ZNF483: variants seen among roughly 807,000 people sequenced by gnomAD.
ZNF483 encodes zinc finger protein HIT-10.
Under a neutral mutation model 28.6 loss-of-function variants are expected in ZNF483, and 9 were observed. That is an observed-to-expected ratio of 0.32 (90% confidence interval 0.19 to 0.55). The LOEUF (loss-of-function observed/expected upper bound fraction) is 0.55. Among genes scored for constraint, ZNF483 ranks in the 20% least tolerant of loss-of-function variants. ZNF483 has a pLI of 0.93. For missense variants in ZNF483, 675 were observed against 871.7 expected, an observed-to-expected ratio of 0.77 and a Z score of 2.84; for synonymous variants, 322 against 306.2, an observed-to-expected ratio of 1.05 and a Z score of -0.54.
intron 5 of ZNF483, among the ~76,000 whole-genome samples, chr9:111,534,629 G>A (rs1827435505): frequency 6.6e-6 from 1 of 151,236 alleles, no homozygotes; most frequent in African/African-American, 2.4e-5. Flanking sequence ...ATAGCCATCA[G>A]AGCATAATGC....
exon 6 of ZNF483, chr9:111,577,565 C>T (rs1829113363): frequency 6.6e-6 from 1 of 152,230 alleles, no homozygotes; most frequent in African/African-American, 2.4e-5. Flanking sequence ...ACCCATCAGG[C>T]TGGGTGTGGT....
chr9:111,532,732 G>A (rs1408137577), intron 3 of ZNF483, among the ~76,000 whole-genome samples: 1 of 152,104 alleles, frequency 6.6e-6, no homozygotes, highest in East Asian at 1.9e-4. Context: ...AGCATGCAGA[G>A]AATGCTATAG....
At chr9:111,574,905 T>A in intron 5 of ZNF483, 1 of 1,306,992 alleles carries the variant, frequency 7.7e-7, no homozygotes, top group Non-Finnish European at 1.1e-6. Flanking sequence ...GGAGAATCAT[T>A]AAGTCACAAG....
In ZNF483 at chr9:111,547,998, G is replaced by A. The variant is rs942152932; in HGVS notation, c.*4828G>A. ...CTTTGGTCTATATGTTTGTCTTTAT[G>A]CCAGTACCATGCTATTTTGATTACT... On this transcript the variant is annotated 3_prime_UTR_variant, in exon 6 of 6. Coordinates refer to ENST00000309235, the MANE Select transcript of ZNF483 (RefSeq NM_133464.5). Among the ~76,000 whole-genome samples, 2 of 152,066 alleles carry A rather than the reference G, an allele frequency of 1.3e-5. No individual in the cohort carries two copies. Among genetic ancestry groups the A allele is most frequent in the African/African-American group, 4.8e-5 (2 of 41,412 alleles).
At chr9:111,576,663 G>C in exon 6 of ZNF483, 2 of 461,386 alleles carry the variant, frequency 4.3e-6, no homozygotes, top group Non-Finnish European at 7.7e-6. Context: ...TAGTCTATGT[G>C]AGATATGTGC....
intron 5 of ZNF483, among the ~76,000 whole-genome samples, chr9:111,538,210 A>G (rs958248806): frequency 6.6e-6 from 1 of 151,756 alleles, no homozygotes; most frequent in African/African-American, 2.4e-5. Context: ...TTTTTCTAAC[A>G]TGTTTATTGA....
intron 5 of ZNF483, chr9:111,563,394 C>A (rs1174683252): frequency 8.1e-6 from 5 of 613,574 alleles, no homozygotes; most frequent in South Asian, 7.8e-5. Context: ...GGGGCAAGAT[C>A]CACTTACACA....
chr9:111,548,060 C>G lies in ZNF483; in HGVS notation c.*4890C>G, dbSNP rs1827845969. On this transcript the variant is annotated 3_prime_UTR_variant, in exon 6 of 6. Transcript: ENST00000309235. ...TTGTAATCAGGATTACACTACGTTT[C>G]CTGTAGTATGTTTTTGAAATGAGGA... is the stretch of plus-strand genomic sequence containing the variant. 6.6e-6 allele frequency among the ~76,000 whole-genome samples: 1 copy of G among 152,078 alleles called. No individual in the cohort carries two copies. The highest frequency in any genetic ancestry group is 1.5e-5 in the Non-Finnish European group (1 of 68,012).
chr9:111,562,075 A>G (rs929572999), intron 5 of ZNF483, among the ~76,000 whole-genome samples: 4 of 152,054 alleles, frequency 2.6e-5, no homozygotes, highest in African/African-American at 7.2e-5. Flanking sequence ...TAGTAGAGAC[A>G]GGGTCTTGCC....
chr9:111,565,397 A>G (rs1205286830), intron 5 of ZNF483, among the ~76,000 whole-genome samples: 1 of 152,254 alleles, frequency 6.6e-6, no homozygotes, highest in Non-Finnish European at 1.5e-5. Flanking sequence ...ATTTTGGTAG[A>G]CCTAACAAAC....
chr9:111,566,569 C>T (rs769187243), intron 5 of ZNF483, among the ~76,000 whole-genome samples: 2 of 152,198 alleles, frequency 1.3e-5, no homozygotes, highest in Non-Finnish European at 1.5e-5. Context: ...CTAAAACTTA[C>T]ATGGTGTAAG....
In ZNF483 at chr9:111,549,709, G is replaced by T. The variant is rs559445101; in HGVS notation, c.*6539G>T. 4.9e-5 allele frequency: 76 copies of T among 1,545,044 alleles called. No homozygotes were observed. In the South Asian group the frequency reaches 8.8e-4, roughly 18 times the overall value. On this transcript the variant is annotated 3_prime_UTR_variant, in exon 6 of 6. Coordinates refer to ENST00000309235, the MANE Select transcript of ZNF483 (RefSeq NM_133464.5). ...ATGTTTGTAGTCCTTTTGTAAAGTG[G>T]ACCCTTGCCTTCTAAGGTAATGGTG...
Position 111,545,052 on chromosome 9 carries a change from C to T in ZNF483, c.*1882C>T, listed in dbSNP as rs1489303110. ...GACTAATGTATGTAGGTGTGAAATG[C>T]TACCTCTGGGAGAAGGTTTTTGGTG... On this transcript the variant is annotated 3_prime_UTR_variant, in exon 6 of 6. Transcript: ENST00000309235. Among the ~76,000 whole-genome samples, 1 of 152,170 alleles carries T rather than the reference C, an allele frequency of 6.6e-6. No individual in the cohort carries two copies. Among genetic ancestry groups the T allele is most frequent in the Non-Finnish European group, 1.5e-5 (1 of 68,028 alleles).
At chr9:111,530,006 TTA>T (rs796670717) in intron 2 of ZNF483, among the ~76,000 whole-genome samples, 77 of 152,284 alleles carry the variant, frequency 5.1e-4, no homozygotes, top group African/African-American at 1.8e-3. Flanking sequence ...ACACTTGAGT[TTA>T]TGTTAACGAG....
At chr9:111,560,946 T>A (rs1252672125) in intron 5 of ZNF483, among the ~76,000 whole-genome samples, 5 of 8,330 alleles carry the variant, frequency 6.0e-4, no homozygotes, top group Non-Finnish European at 9.2e-4. Flanking sequence ...CCATCTAAAA[T>A]ATATATATAT....
At chr9:111,559,310 C>T (rs188970415), downstream of ZNF483, among the ~76,000 whole-genome samples, 585 of 152,262 alleles carry the variant, frequency 3.8e-3, 4 homozygotes, top group African/African-American at 0.013. Flanking sequence ...CCCCCAGGCA[C>T]GATGCCCTCC....
intron 2 of ZNF483, 109 bp downstream of exon 2, chr9:111,527,916 G>A: frequency 1.3e-6 from 2 of 1,581,396 alleles, no homozygotes; most frequent in Non-Finnish European, 1.7e-6. Context: ...GAGGTTAGAA[G>A]TTGGGACTGG....
At chr9:111,573,767 A>G (rs1239121084) in intron 5 of ZNF483, among the ~76,000 whole-genome samples, 1 of 152,174 alleles carries the variant, frequency 6.6e-6, no homozygotes, top group Non-Finnish European at 1.5e-5. Context: ...AGGCCTGTAC[A>G]AGGCATCTCA....
chr9:111,575,548 G>A (rs990861371), intron 5 of ZNF483: 36 of 152,174 alleles, frequency 2.4e-4, no homozygotes, highest in African/African-American at 7.7e-4. Context: ...TGTGAGAGTA[G>A]AAATACAGAT....
Sources: allele counts gnomAD v4.1 joint callset (sites outside exome capture counted in the v4.1 genomes callset), GRCh38; gene constraint gnomAD v4.1.1; transcripts MANE v1.5; gene names NCBI Gene and HGNC (gene_info 2026-07-23, HGNC 2026-07-21).